The following ASAP1 variants were observed in gnomAD, a reference collection of about 807,000 sequenced individuals.
ASAP1 encodes the protein ArfGAP with SH3 domain, ankyrin repeat and PH domain 1.
In ASAP1, 43 loss-of-function variants were observed where a neutral mutation model predicts 145.2. The ratio of observed to expected loss-of-function variants is 0.30; its 90% CI spans 0.23 to 0.38. The LOEUF (loss-of-function observed/expected upper bound fraction) is 0.38, where lower values mean the gene tolerates loss of function less well. Ranked by LOEUF, ASAP1 falls within the 10% of genes least tolerant of loss-of-function variation. The probability of loss-of-function intolerance (pLI) is 1.00; values close to 1 mark genes in which losing one functional copy is unlikely to be tolerated. For missense variants in ASAP1, 1,018 were observed against 1,355.3 expected, an observed-to-expected ratio of 0.75 and a Z score of 3.91; for synonymous variants, 546 against 515.5, an observed-to-expected ratio of 1.06 and a Z score of -0.80.
At chr8:130,081,101 T>C (rs975010744) in intron 25 of ASAP1, among the ~76,000 whole-genome samples, 6 of 152,226 alleles carry the variant, frequency 3.9e-5, no homozygotes, top group African/African-American at 1.4e-4. Flanking sequence ...CATCAGTTGC[T>C]GTCAATTGAG....
intron 22 of ASAP1, among the ~76,000 whole-genome samples, chr8:130,116,222 C>T (rs1382665888): frequency 6.6e-6 from 1 of 152,208 alleles, no homozygotes; most frequent in Non-Finnish European, 1.5e-5. Context: ...AAGGCCCTGA[C>T]TTGCTAAGCA....
At chr8:130,251,906 GC>G (rs1819220656) in intron 3 of ASAP1, among the ~76,000 whole-genome samples, 1 of 152,074 alleles carries the variant, frequency 6.6e-6, no homozygotes, top group Non-Finnish European at 1.5e-5. Flanking sequence ...TGGAGAAATG[GC>G]CACAAACCAT....
intron 3 of ASAP1, among the ~76,000 whole-genome samples, chr8:130,336,391 T>C (rs1391815395): frequency 6.6e-6 from 1 of 152,220 alleles, no homozygotes; most frequent in Non-Finnish European, 1.5e-5. Context: ...TATTGGGTCC[T>C]ACCCCAAACC....
intron 3 of ASAP1, among the ~76,000 whole-genome samples, chr8:130,306,047 TC>T (rs1822973650): frequency 6.6e-6 from 1 of 152,214 alleles, no homozygotes; most frequent in Admixed American, 6.5e-5. Flanking sequence ...GATTCTGGGA[TC>T]ATAAAGTCCT....
chr8:130,399,823 T>A (rs544383380), intron 2 of ASAP1, among the ~76,000 whole-genome samples: 1 of 148,356 alleles, frequency 6.7e-6, no homozygotes, highest in East Asian at 1.9e-4. Context: ...TCTTTTTTTT[T>A]TTTTTTTTTT....
In ASAP1 at chr8:130,275,594, T is replaced by C. The variant is rs1020294638; in HGVS notation, c.187-38600A>G. On this transcript the variant is annotated intron_variant, in intron 3 of 29. Transcript: ENST00000518721. ...GGGGCCTTATCAACTTATAAAGCAA[T>C]TCGTTCAAATTTTACTGGCAGGATG... Among the ~76,000 whole-genome samples, 3 of 152,160 alleles carry C rather than the reference T, an allele frequency of 2.0e-5. No homozygotes were observed. In the East Asian group the frequency reaches 5.8e-4, roughly 29 times the overall value.
intron 1 of ASAP1, among the ~76,000 whole-genome samples, chr8:130,419,836 G>C (rs760884557): frequency 6.6e-6 from 1 of 152,040 alleles, no homozygotes. Context: ...CACAGCCCTC[G>C]CTGTCTCCGG....
chr8:130,108,094 C>A (rs966964710), intron 24 of ASAP1, among the ~76,000 whole-genome samples: 22 of 152,196 alleles, frequency 1.4e-4, no homozygotes, highest in Non-Finnish European at 3.2e-4. Flanking sequence ...TGGCACCAAC[C>A]CTTCAACAAC....
chr8:130,069,743 T>C (rs2097438422), intron 27 of ASAP1: 1 of 152,232 alleles, frequency 6.6e-6, no homozygotes, highest in African/African-American at 2.4e-5. Context: ...CAGTTTACTG[T>C]ATTTCTTGCA....
chr8:130,260,955 T>G (rs1819861180), intron 3 of ASAP1, among the ~76,000 whole-genome samples: 1 of 152,146 alleles, frequency 6.6e-6, no homozygotes, highest in Non-Finnish European at 1.5e-5. Context: ...TCCAGGAAAT[T>G]TCAAAGTCTC....
chr8:130,417,810 G>C (rs1302142922), intron 1 of ASAP1, among the ~76,000 whole-genome samples: 1 of 152,110 alleles, frequency 6.6e-6, no homozygotes, highest in Non-Finnish European at 1.5e-5. Flanking sequence ...CTCACCAAAG[G>C]GGCCACTGGC....
At chr8:130,435,776 G>A (rs1794752276) in intron 1 of ASAP1, among the ~76,000 whole-genome samples, 1 of 152,142 alleles carries the variant, frequency 6.6e-6, no homozygotes, top group African/African-American at 2.4e-5. Flanking sequence ...CAGAGAAATG[G>A]CAAGAAAGCA....
At chr8:130,220,797 G>A (rs1817246313) in intron 4 of ASAP1, among the ~76,000 whole-genome samples, 1 of 152,140 alleles carries the variant, frequency 6.6e-6, no homozygotes, top group Non-Finnish European at 1.5e-5. Context: ...GAGTCATGGT[G>A]GAAGGGGAAG....
At chr8:130,107,570 T>TAG (rs2097539601) in intron 24 of ASAP1, among the ~76,000 whole-genome samples, 2 of 146,926 alleles carry the variant, frequency 1.4e-5, no homozygotes, top group Non-Finnish European at 3.0e-5. Context: ...ATTTTTGAGA[T>TAG]AGAGTCTCAT....
chr8:130,249,714 A>G (rs1228194021), intron 3 of ASAP1, among the ~76,000 whole-genome samples: 3 of 152,104 alleles, frequency 2.0e-5, no homozygotes, highest in South Asian at 2.1e-4. Flanking sequence ...CCAGACACAC[A>G]TATGTATGTG....
chr8:130,195,207 A>T (rs1407996663), intron 5 of ASAP1: 1 of 151,876 alleles, frequency 6.6e-6, no homozygotes, highest in Non-Finnish European at 1.5e-5. Flanking sequence ...TTTAAAGTGC[A>T]TTTTTTTCAT....
At chr8:130,274,789 T>C (rs905502253) in intron 3 of ASAP1, among the ~76,000 whole-genome samples, 8 of 152,240 alleles carry the variant, frequency 5.3e-5, no homozygotes, top group Non-Finnish European at 7.3e-5. Context: ...GCATAGAATC[T>C]TGATCCACAT....
intron 24 of ASAP1, among the ~76,000 whole-genome samples, chr8:130,100,849 T>C (rs2097527578): frequency 6.6e-6 from 1 of 152,232 alleles, no homozygotes; most frequent in South Asian, 2.1e-4. Context: ...TGATATCGTC[T>C]GCTTTGTCTA....
At chr8:130,379,449 A>G (rs1827663707) in intron 2 of ASAP1, among the ~76,000 whole-genome samples, 1 of 152,160 alleles carries the variant, frequency 6.6e-6, no homozygotes, top group Admixed American at 6.5e-5. Flanking sequence ...AAACCTCTCA[A>G]TTTATAGCTG....
Sources: gnomAD v4.1 joint callset for allele counts (sites outside exome capture counted in the v4.1 genomes callset) on GRCh38, gnomAD v4.1.1 for gene constraint, MANE v1.5 for transcripts, NCBI Gene and HGNC (gene_info 2026-07-23, HGNC 2026-07-21) for gene names.